WDR37: variants seen among roughly 807,000 people sequenced by gnomAD.
WDR37 encodes WD repeat-containing protein 37.
A neutral mutation model predicts 62.9 loss-of-function variants in WDR37; 19 were observed. The observed-to-expected ratio is 0.30, with a 90% CI of 0.21 to 0.44. WDR37 has a LOEUF of 0.44. Ranked by LOEUF, WDR37 falls within the 20% of genes least tolerant of loss-of-function variation. WDR37 has a pLI of 1.00. For synonymous variants in WDR37, 250 were observed against 260.9 expected (o/e 0.96, Z 0.40); for missense variants, 474 against 657.6 (o/e 0.72, Z 3.05).
At chr10:1,116,682 T>A (rs189284851) in intron 11 of WDR37, among the ~76,000 whole-genome samples, 4 of 152,340 alleles carry the variant, frequency 2.6e-5, no homozygotes, top group Admixed American at 2.0e-4. Context: ...GGAGCTTTGC[T>A]GGTTGGCCTG....
intron 11 of WDR37, among the ~76,000 whole-genome samples, chr10:1,110,085 T>C (rs1835162953): frequency 6.6e-6 from 1 of 152,230 alleles, no homozygotes; most frequent in African/African-American, 2.4e-5. Context: ...CAAATTATCA[T>C]GAACTAGCGT....
chr10:1,097,164 G>A (rs72760943), intron 9 of WDR37, among the ~76,000 whole-genome samples: 23,761 of 152,150 alleles, frequency 0.16, 2,016 homozygotes, highest in Non-Finnish European at 0.18. Flanking sequence ...GAAAGGGGAC[G>A]AGAACTTGTA....
At chr10:1,073,822 G>C (rs929056082) in intron 2 of WDR37, among the ~76,000 whole-genome samples, 4 of 152,080 alleles carry the variant, frequency 2.6e-5, no homozygotes, top group African/African-American at 9.7e-5. Flanking sequence ...CTTCTTACAA[G>C]GACCCCTGTC....
chr10:1,106,084 C>T (rs879576899), intron 11 of WDR37, among the ~76,000 whole-genome samples: 3 of 152,136 alleles, frequency 2.0e-5, no homozygotes, highest in Admixed American at 6.5e-5. Context: ...CGCGCCCAGC[C>T]GTGTAAGGTC....
chr10:1,099,028 T>C (rs546291978), intron 9 of WDR37, among the ~76,000 whole-genome samples: 5 of 152,354 alleles, frequency 3.3e-5, no homozygotes, highest in African/African-American at 1.2e-4. Context: ...ACTAATGGCC[T>C]TTATGACATC....
intron 13 of WDR37, among the ~76,000 whole-genome samples, chr10:1,125,954 C>T (rs190533941): frequency 2.1e-3 from 323 of 152,336 alleles, no homozygotes; most frequent in African/African-American, 6.4e-3. Flanking sequence ...CCATGGCACC[C>T]GCACAGATGC....
chr10:1,084,636 T>A (rs1834141008), intron 6 of WDR37, 98 bp downstream of exon 6: 1 of 1,534,182 alleles, frequency 6.5e-7, no homozygotes. Flanking sequence ...GAACCCTAGA[T>A]GCAAAAGCGT....
intron 11 of WDR37, among the ~76,000 whole-genome samples, chr10:1,119,220 A>G (rs1470414203): frequency 6.6e-6 from 1 of 152,240 alleles, no homozygotes; most frequent in African/African-American, 2.4e-5. Flanking sequence ...TGATAAGATC[A>G]GTACACGAGA....
At chr10:1,096,441 G>A in intron 9 of WDR37, 195 bp downstream of exon 9, 1 of 611,716 alleles carries the variant, frequency 1.6e-6, no homozygotes, top group South Asian at 1.9e-5. Flanking sequence ...GTTGCGTGAG[G>A]TCCTCATAAG....
intron 1 of WDR37, among the ~76,000 whole-genome samples, chr10:1,066,779 A>C (rs369287729): frequency 7.2e-5 from 11 of 152,338 alleles, no homozygotes; most frequent in African/African-American, 2.6e-4. Flanking sequence ...TTTACAAAGG[A>C]AAGAGGTTTA....
chr10:1,129,680 C>CGAGA lies in WDR37; in HGVS notation c.*336_*337insGAGA. Reference sequence around the variant, plus strand: ...ATTTGTGTGAATTAAATGTGAACTTCTGTATTACGTTGCGGCGTCGGCAGT... The same window carrying CGAGA: ...ATTTGTGTGAATTAAATGTGAACTTCGAGATGTATTACGTTGCGGCGTCGGCAGT... On this transcript the variant is annotated 3_prime_UTR_variant, in exon 14 of 14. Transcript: ENST00000263150. 1.0e-5 allele frequency: 2 copies of CGAGA among 193,148 alleles called. No individual in the cohort carries two copies. Among genetic ancestry groups the CGAGA allele is most frequent in the South Asian group, 1.0e-4 (1 of 9,644 alleles). The allele number at this position is 193,148 out of a possible 1,614,324, so 12.0% of individuals were successfully genotyped here.
At chr10:1,074,305 C>T (rs1027293101) in intron 2 of WDR37, 164 of 1,201,096 alleles carry the variant, frequency 1.4e-4, no homozygotes, top group Non-Finnish European at 1.7e-4. Flanking sequence ...TTTCTGGGCC[C>T]TGAATGCCCA....
In WDR37 at chr10:1,090,417, C is replaced by T. The variant is rs182614153; in HGVS notation, c.605-3035C>T. Reference sequence around the variant, plus strand: ...CAGGTGATCCAGCCGCCTCGGCCTCCCAAAATGTTGGGATTATAGGTGTGA... The same window carrying T: ...CAGGTGATCCAGCCGCCTCGGCCTCTCAAAATGTTGGGATTATAGGTGTGA... On this transcript the variant is annotated intron_variant, in intron 7 of 13. Coordinates refer to ENST00000263150, the MANE Select transcript of WDR37 (RefSeq NM_014023.4). 7.2e-5 allele frequency among the ~76,000 whole-genome samples: 11 copies of T among 152,288 alleles called. No homozygotes were observed. The East Asian group carries it at 2.1e-3, about 29-fold the overall frequency.
At chr10:1,127,753 G>A (rs1236625089) in intron 13 of WDR37, among the ~76,000 whole-genome samples, 3 of 152,242 alleles carry the variant, frequency 2.0e-5, no homozygotes, top group Non-Finnish European at 4.4e-5. Flanking sequence ...CTGTGATGTG[G>A]AGGCCCGTGG....
intron 1 of WDR37, among the ~76,000 whole-genome samples, chr10:1,064,057 A>C (rs1382741111): frequency 6.6e-6 from 1 of 152,254 alleles, no homozygotes; most frequent in African/African-American, 2.4e-5. Flanking sequence ...ATGCTTCAAT[A>C]ACCAATTAAC....
chr10:1,127,628 G>A (rs1373481101), intron 13 of WDR37, among the ~76,000 whole-genome samples: 1 of 151,998 alleles, frequency 6.6e-6, no homozygotes, highest in Non-Finnish European at 1.5e-5. Context: ...AAGCGAGCTT[G>A]GTGGAGAGTC....
chr10:1,082,203 AATGCAAC>A (rs1834048303), intron 5 of WDR37, among the ~76,000 whole-genome samples: 1 of 152,226 alleles, frequency 6.6e-6, no homozygotes, highest in African/African-American at 2.4e-5. Flanking sequence ...GCTAAGCATG[AATGCAAC>A]AAGAGAAAGG....
intron 6 of WDR37, among the ~76,000 whole-genome samples, chr10:1,085,671 A>G (rs1402411011): frequency 2.0e-5 from 3 of 152,220 alleles, no homozygotes; most frequent in African/African-American, 7.2e-5. Context: ...TGAATAGCGA[A>G]GAAAGTTCTT....
chr10:1,126,571 G>A (rs1393762063), intron 13 of WDR37, among the ~76,000 whole-genome samples: 1 of 152,314 alleles, frequency 6.6e-6, no homozygotes, highest in South Asian at 2.1e-4. Context: ...GAGGCCTCCT[G>A]TGGCTGCACA....
Sources: allele counts gnomAD v4.1 joint callset (sites outside exome capture counted in the v4.1 genomes callset), GRCh38; gene constraint gnomAD v4.1.1; transcripts MANE v1.5; gene names NCBI Gene and HGNC (gene_info 2026-07-23, HGNC 2026-07-21).